Variants in PTCD1 observed in about 807,000 individuals in gnomAD.
PTCD1 encodes the protein pentatricopeptide repeat domain 1, also known as pentatricopeptide repeat-containing protein 1, mitochondrial.
A neutral mutation model predicts 53.4 loss-of-function variants in PTCD1; 50 were observed. The observed-to-expected ratio is 0.94, with a 90% CI of 0.75 to 1.19. The LOEUF (loss-of-function observed/expected upper bound fraction) is 1.19, where lower values mean the gene tolerates loss of function less well. PTCD1 is among the 50% of genes most tolerant of loss of function. The pLI, the probability that PTCD1 is intolerant of heterozygous loss-of-function variation, is 0.00. For missense variants in PTCD1, 918 were observed against 904.8 expected (o/e 1.01, Z -0.19); for synonymous variants, 413 against 394.8 (o/e 1.05, Z -0.55).
At position 99,421,527 on chromosome 7, in the gene PTCD1, G is replaced by A. The variant is rs145949187; in HGVS notation, c.1921-1378C>T. 2.5e-3 allele frequency among the ~76,000 whole-genome samples: 370 copies of A among 150,844 alleles called. 2 individuals are homozygous for A. The highest frequency in any genetic ancestry group is 6.9e-3 in the African/African-American group (282 of 40,982). On this transcript the variant is annotated intron_variant, in intron 7 of 7. Transcript: ENST00000292478. ...TGGGAGGCTGGGGTGGGTGGATCAC[G>A]AGGTCGGGAGTTCAAGACCAGCCTG... is the stretch of plus-strand genomic sequence containing the variant.
intron 5 of PTCD1, among the ~76,000 whole-genome samples, chr7:99,425,876 G>A (rs1450305107): frequency 6.6e-6 from 1 of 152,160 alleles, no homozygotes; most frequent in African/African-American, 2.4e-5. Context: ...AGACCAGCCC[G>A]ACCAACATGG....
intron 1 of PTCD1, among the ~76,000 whole-genome samples, chr7:99,436,113 T>G (rs1365405983): frequency 1.3e-5 from 2 of 152,010 alleles, no homozygotes; most frequent in Admixed American, 1.3e-4. Context: ...GCCTGGCTAA[T>G]TTTATTTTTT....
At chr7:99,435,890 G>C (rs1031328182) in intron 1 of PTCD1, among the ~76,000 whole-genome samples, 1 of 150,858 alleles carries the variant, frequency 6.6e-6, no homozygotes, top group Non-Finnish European at 1.5e-5. Context: ...AGCTGAGATC[G>C]CGCCACTGCA....
intron 5 of PTCD1, among the ~76,000 whole-genome samples, chr7:99,427,383 C>T (rs1796087337): frequency 6.7e-6 from 1 of 149,862 alleles, no homozygotes; most frequent in Non-Finnish European, 1.5e-5. Context: ...CGGCCAGCCG[C>T]CCCGTCCGGG....
chr7:99,430,753 A>G (rs938263586), intron 3 of PTCD1, among the ~76,000 whole-genome samples: 2 of 152,220 alleles, frequency 1.3e-5, no homozygotes, highest in Non-Finnish European at 2.9e-5. Context: ...TCAAGAAGGG[A>G]GACACACTGC....
chr7:99,422,266 C>T (rs879274031), intron 7 of PTCD1, among the ~76,000 whole-genome samples: 12 of 152,304 alleles, frequency 7.9e-5, no homozygotes, highest in Admixed American at 2.6e-4. Context: ...GACACCTGCA[C>T]GGCGTTCCTG....
chr7:99,426,097 GCCTCTC>G lies in PTCD1; in HGVS notation c.916-487_916-482del, dbSNP rs780383766. 7.3e-4 allele frequency among the ~76,000 whole-genome samples: 109 copies of G among 148,952 alleles called. 2 individuals are homozygous for G. The highest frequency in any genetic ancestry group is 6.9e-3 in the South Asian group (32 of 4,664). On this transcript the variant is annotated intron_variant, in intron 5 of 7. Transcript: ENST00000292478. ...GTAAAACATTTAAAAAATTGGCCGG[GCCTCTC>G]CCTCTCCCTCTCCCTCTCCCCCTCC...
At chr7:99,421,807 T>C (rs1795835543) in intron 7 of PTCD1, among the ~76,000 whole-genome samples, 1 of 152,174 alleles carries the variant, frequency 6.6e-6, no homozygotes, top group Non-Finnish European at 1.5e-5. Flanking sequence ...CAGAGGGTCC[T>C]GACTTTATAA....
At position 99,425,326 on chromosome 7, in the gene PTCD1, C is replaced by G; in HGVS notation, c.1206G>C (p.Pro402=). The G allele has an allele frequency of 1.2e-6, 2 of 1,614,074 alleles. No individual in the cohort carries two copies. Among genetic ancestry groups the G allele is most frequent in the East Asian group, 4.5e-5 (2 of 44,898 alleles). The change falls in exon 6 of 8, where the codon CCG becomes CCC. Residue 402 remains proline, a synonymous_variant. Coordinates refer to ENST00000292478, the MANE Select transcript of PTCD1 (RefSeq NM_015545.4). ...PSQALGPPEP[P]EARVPGKAQP... is the part of the protein sequence containing the mutation. ...GGGCCTTGCCGGGCACTCTGGCTTC[C>G]GGAGGCTCTGGAGGCCCAAGTGCCT...
At chr7:99,425,753 G>A in intron 5 of PTCD1, 137 bp from the exon 6 acceptor site, 1 of 1,196,114 alleles carries the variant, frequency 8.4e-7, no homozygotes, top group East Asian at 2.5e-5. Flanking sequence ...ACAAGACCGG[G>A]CAACATAGCA....
rs1795583407 is a variant in PTCD1, at chr7:99,417,716, T to G, written c.*2251A>C. ...GTCGTTTTGTCCCTGGATGTCCTGCTGGCTCTCCCTCGTGGGAGTGGGTCC... is the reference window on the plus strand; with the variant it reads ...GTCGTTTTGTCCCTGGATGTCCTGCGGGCTCTCCCTCGTGGGAGTGGGTCC... On this transcript the variant is annotated 3_prime_UTR_variant, in exon 8 of 8. Coordinates refer to ENST00000292478, the MANE Select transcript of PTCD1 (RefSeq NM_015545.4). 3.2e-6 allele frequency: 5 copies of G among 1,541,376 alleles called. No homozygotes were observed. The Admixed American group carries it at 5.8e-5, about 18-fold the overall frequency.
At chr7:99,430,696 C>T (rs753640653) in intron 3 of PTCD1, among the ~76,000 whole-genome samples, 5 of 152,224 alleles carry the variant, frequency 3.3e-5, no homozygotes, top group Non-Finnish European at 7.3e-5. Flanking sequence ...CAGCAGCAGC[C>T]CTGGGGTTAG....
Position 99,424,858 on chromosome 7 carries a change from G to A in PTCD1, c.1674C>T (p.Phe558=). 1 of 1,614,276 alleles carries A rather than the reference G, an allele frequency of 6.2e-7. No individual in the cohort carries two copies. Among genetic ancestry groups the A allele is most frequent in the Non-Finnish European group, 8.5e-7 (1 of 1,180,056 alleles). ...KRGLVPNLQT[F]CNLAIGCHRP... The stretch of plus-strand genomic sequence containing the variant: ...TGTGGCACCCGATGGCCAGGTTGCA[G>A]AATGTCTGCAGGTTGGGGACGAGGC... The change falls in exon 6 of 8, where the codon TTC becomes TTT. Residue 558 remains phenylalanine, a synonymous_variant. Coordinates refer to ENST00000292478, the MANE Select transcript of PTCD1 (RefSeq NM_015545.4).
intron 1 of PTCD1, 88 bp downstream of exon 1, chr7:99,438,604 C>A: frequency 1.7e-6 from 2 of 1,154,160 alleles, no homozygotes; most frequent in Non-Finnish European, 2.2e-6. Context: ...ACGCCCCCGG[C>A]TCCAATCCCG....
At chr7:99,424,506 C>T (rs1400378330) in intron 6 of PTCD1, among the ~76,000 whole-genome samples, 3 of 152,230 alleles carry the variant, frequency 2.0e-5, no homozygotes, top group Non-Finnish European at 1.5e-5. Flanking sequence ...TGCCATACCT[C>T]TAGAGTGTTG....
chr7:99,419,233 C>T lies in PTCD1; in HGVS notation c.*734G>A. On this transcript the variant is annotated 3_prime_UTR_variant, in exon 8 of 8. Transcript: ENST00000292478. The stretch of plus-strand genomic sequence containing the variant: ...AGCTGGTTCTACCTTCATGAGGGAG[C>T]CAAATTTTCCCTGTCCAGAGCTGTC... 2.5e-6 allele frequency: 2 copies of T among 786,124 alleles called. 1 individual carries two copies. The highest frequency in any genetic ancestry group is 3.4e-5 in the South Asian group (2 of 59,546). 48.7% of individuals were successfully genotyped at this position (786,124 alleles called of 1,614,324 possible).
At chr7:99,427,533 G>A (rs62471892) in intron 5 of PTCD1, among the ~76,000 whole-genome samples, 22 of 150,414 alleles carry the variant, frequency 1.5e-4, no homozygotes, top group African/African-American at 4.1e-4. Context: ...GGTGAGCGGC[G>A]CCTCTGCCCG....
At chr7:99,432,944 G>C (rs376888949) in intron 3 of PTCD1, 3 of 422,876 alleles carry the variant, frequency 7.1e-6, no homozygotes, top group Non-Finnish European at 1.3e-5. Context: ...AGCTACTGGC[G>C]AGGCTGAGGC....
intron 5 of PTCD1, 25 bp downstream of exon 5, chr7:99,429,077 AG>A: frequency 6.2e-7 from 1 of 1,613,238 alleles, no homozygotes; most frequent in Non-Finnish European, 8.5e-7. Flanking sequence ...GAAGCAGGGC[AG>A]GAAGGTGGGG....
Sources: allele counts gnomAD v4.1 joint callset (sites outside exome capture counted in the v4.1 genomes callset), GRCh38; gene constraint gnomAD v4.1.1; transcripts MANE v1.5; gene names NCBI Gene and HGNC (gene_info 2026-07-23, HGNC 2026-07-21).